The following EBF1 variants were observed in gnomAD, a reference collection of about 807,000 sequenced individuals.
The protein encoded by EBF1 is EBF transcription factor 1.
EBF1 carries 10 observed loss-of-function variants against 68.4 expected under a neutral mutation model. That is an observed-to-expected ratio of 0.15 (90% CI 0.09 to 0.25). The LOEUF is 0.25. Ranked by LOEUF, EBF1 falls within the 10% of genes least tolerant of loss-of-function variation. The probability of loss-of-function intolerance (pLI) is 1.00; values close to 1 mark genes in which losing one functional copy is unlikely to be tolerated. For synonymous variants in EBF1, 298 were observed against 299.8 expected, an observed-to-expected ratio of 0.99 and a Z score of 0.06; for missense variants, 509 against 794.4, an observed-to-expected ratio of 0.64 and a Z score of 4.32.
chr5:158,985,905 G>C (rs1758919533), intron 6 of EBF1: 1 of 152,590 alleles, frequency 6.6e-6, no homozygotes, highest in Admixed American at 6.5e-5. Context: ...GACCCATGGA[G>C]GTCAGCACTG....
chr5:158,928,050 C>T (rs887580013), intron 6 of EBF1, among the ~76,000 whole-genome samples: 3 of 152,226 alleles, frequency 2.0e-5, no homozygotes, highest in Middle Eastern at 3.2e-3. Flanking sequence ...ATGGATCCTA[C>T]TATCTCCAGC....
intron 10 of EBF1, among the ~76,000 whole-genome samples, chr5:158,752,800 T>A (rs1401688634): frequency 6.6e-6 from 1 of 152,068 alleles, no homozygotes; most frequent in East Asian, 1.9e-4. Context: ...GTTATCCGTG[T>A]CACATTTTTC....
intron 10 of EBF1, among the ~76,000 whole-genome samples, chr5:158,734,669 T>A (rs1403768102): frequency 6.6e-6 from 1 of 152,024 alleles, no homozygotes; most frequent in African/African-American, 2.4e-5. Flanking sequence ...CCAGAAGAAA[T>A]GGGACTAACC....
chr5:158,775,456 T>G (rs1037673234), intron 10 of EBF1, among the ~76,000 whole-genome samples: 2 of 152,104 alleles, frequency 1.3e-5, no homozygotes, highest in African/African-American at 2.4e-5. Flanking sequence ...GATTGCCTCC[T>G]GTACCTCCCA....
intron 11 of EBF1, among the ~76,000 whole-genome samples, chr5:158,724,229 AT>A (rs1407058972): frequency 6.6e-6 from 1 of 152,174 alleles, no homozygotes; most frequent in Non-Finnish European, 1.5e-5. Flanking sequence ...AAGATTTGCC[AT>A]TTGTTTCTGT....
intron 9 of EBF1, among the ~76,000 whole-genome samples, chr5:158,792,578 C>A (rs1467347757): frequency 6.6e-6 from 1 of 152,184 alleles, no homozygotes; most frequent in East Asian, 1.9e-4. Context: ...AGCCTGCCAG[C>A]CTGCTTCCTG....
chr5:158,847,581 T>A (rs1049544535), intron 6 of EBF1, among the ~76,000 whole-genome samples: 1 of 152,218 alleles, frequency 6.6e-6, no homozygotes, highest in Non-Finnish European at 1.5e-5. Flanking sequence ...GTAGAGAAGA[T>A]GTTTATCCTC....
At chr5:158,736,414 G>A (rs72810372) in intron 10 of EBF1, among the ~76,000 whole-genome samples, 15 of 152,192 alleles carry the variant, frequency 9.9e-5, no homozygotes, top group South Asian at 4.2e-4. Flanking sequence ...ACTCACTGCC[G>A]TGCTTTCACA....
chr5:158,830,340 G>A (rs1248183241), intron 7 of EBF1, among the ~76,000 whole-genome samples: 3 of 151,818 alleles, frequency 2.0e-5, no homozygotes, highest in African/African-American at 2.4e-5. Flanking sequence ...GCGTAATCTC[G>A]GCTCACAGCA....
intron 6 of EBF1, among the ~76,000 whole-genome samples, chr5:158,993,891 G>A (rs1370662828): frequency 6.6e-6 from 1 of 152,174 alleles, no homozygotes. Flanking sequence ...CAACTGGGGA[G>A]GAAAGGGCAA....
chr5:158,774,047 T>C (rs116283453), intron 10 of EBF1, among the ~76,000 whole-genome samples: 2,330 of 152,318 alleles, frequency 0.015, 57 homozygotes, highest in African/African-American at 0.053. Context: ...TACATAAGAA[T>C]AACTGGACAC....
chr5:159,079,371 C>A (rs1039596385), intron 5 of EBF1, among the ~76,000 whole-genome samples: 2 of 152,080 alleles, frequency 1.3e-5, no homozygotes, highest in African/African-American at 4.8e-5. Flanking sequence ...AAGGATGCTC[C>A]TTCTTTTCTC....
chr5:159,069,645 A>G (rs967452145), intron 6 of EBF1, among the ~76,000 whole-genome samples: 3 of 152,288 alleles, frequency 2.0e-5, no homozygotes, highest in Non-Finnish European at 4.4e-5. Flanking sequence ...AGATTTTTTA[A>G]TAGATGCAGA....
intron 6 of EBF1, among the ~76,000 whole-genome samples, chr5:158,961,282 A>C (rs1348964029): frequency 6.6e-6 from 1 of 151,890 alleles, no homozygotes; most frequent in Non-Finnish European, 1.5e-5. Flanking sequence ...AAAAATGATC[A>C]TCTCCTTCAA....
chr5:159,006,401 A>G lies in EBF1; in HGVS notation c.554+66995T>C, dbSNP rs568602268. Among the ~76,000 whole-genome samples, 5 of 152,114 alleles carry G rather than the reference A, an allele frequency of 3.3e-5. No homozygotes were observed. In the South Asian group the frequency reaches 1.0e-3, roughly 32 times the overall value. On this transcript the variant is annotated intron_variant, in intron 6 of 15. Transcript: ENST00000313708. ...CCACTCTGTCCATTTTTACAATCTA[A>G]TTTTACAATAGGTTAACTCTGGAAA...
chr5:158,718,736 G>T (rs1761285841), intron 11 of EBF1, among the ~76,000 whole-genome samples: 1 of 152,100 alleles, frequency 6.6e-6, no homozygotes, highest in East Asian at 1.9e-4. Flanking sequence ...AAATCACACT[G>T]TTCTATCAGA....
intron 6 of EBF1, among the ~76,000 whole-genome samples, chr5:158,936,427 G>A (rs974924798): frequency 1.3e-5 from 2 of 152,164 alleles, no homozygotes; most frequent in African/African-American, 4.8e-5. Context: ...CTATGTAAAG[G>A]TAATAATAGT....
In EBF1 at chr5:158,823,183, C is replaced by T. The variant is rs1311517165; in HGVS notation, c.771G>A (p.Leu257=). 1 of 1,613,946 alleles carries T rather than the reference C, an allele frequency of 6.2e-7. No individual in the cohort carries two copies. The highest frequency in any genetic ancestry group is 1.7e-5 in the Admixed American group (1 of 59,994). ...TGAAAATGATTCGCCTACCATGTTCCAGATAAGAGGGCGTACCTTCCGAGG... is the reference window on the plus strand; with the variant it reads ...TGAAAATGATTCGCCTACCATGTTCTAGATAAGAGGGCGTACCTTCCGAGG... The part of the protein sequence containing the change: ...LDPSEGTPSY[L]EHATPCIKAI... Residue 257 remains leucine (L), a synonymous_variant, in exon 8 of 16, where the codon CTG becomes CTA. Coordinates refer to ENST00000313708, the MANE Select transcript of EBF1 (RefSeq NM_024007.5).
rs372003405 is a variant in EBF1 at position 158,899,428 on chromosome 5, C to T, written c.555-59318G>A. On this transcript the variant is annotated intron_variant, in intron 6 of 15. Transcript: ENST00000313708. ...TGGGAATCACAGGAAGCAGTAATCT[C>T]ATCTGGAATTTAATAGTCTTTTTGT... 2.0e-3 allele frequency among the ~76,000 whole-genome samples: 311 copies of T among 152,298 alleles called. 3 individuals carry two copies. Among genetic ancestry groups the T allele is most frequent in the African/African-American group, 7.3e-3 (304 of 41,572 alleles).
Sources: gnomAD v4.1 joint callset for allele counts (sites outside exome capture counted in the v4.1 genomes callset) on GRCh38, gnomAD v4.1.1 for gene constraint, MANE v1.5 for transcripts, NCBI Gene and HGNC (gene_info 2026-07-23, HGNC 2026-07-21) for gene names.